The following GPM6B variants were observed in gnomAD, a reference collection of about 807,000 sequenced individuals.
GPM6B encodes the protein neuronal membrane glycoprotein M6-b.
GPM6B carries 4 observed loss-of-function variants against 27.2 expected under a neutral mutation model. The ratio of observed to expected loss-of-function variants is 0.15; its 90% CI spans 0.07 to 0.34. GPM6B has a LOEUF of 0.34. Among genes scored for constraint, GPM6B ranks in the 10% least tolerant of loss-of-function variants. The pLI is 1.00. For missense variants in GPM6B, 183 were observed against 261.9 expected, an observed-to-expected ratio of 0.70 and a Z score of 2.08; for synonymous variants, 124 against 103.1, an observed-to-expected ratio of 1.20 and a Z score of -1.23.
intron 1 of GPM6B, among the ~76,000 whole-genome samples, chrX:13,927,953 C>G (rs989568131): frequency 8.9e-6 from 1 of 111,819 alleles, no homozygotes; most frequent in Admixed American, 9.5e-5. Flanking sequence ...GGGTAGGAAC[C>G]AATGATATGT....
At chrX:13,894,285 T>C (rs1228549760) in intron 1 of GPM6B, among the ~76,000 whole-genome samples, 1 of 111,829 alleles carries the variant, frequency 8.9e-6, no homozygotes, top group African/African-American at 3.3e-5. Flanking sequence ...AGCCACTGTA[T>C]GAATGACACA....
At chrX:13,820,797 G>A (rs1475525971), upstream of GPM6B, among the ~76,000 whole-genome samples, 2 of 111,600 alleles carry the variant, frequency 1.8e-5, no homozygotes, top group Non-Finnish European at 1.9e-5. Context: ...TATTCTAAGA[G>A]CTCTTGGAAC....
In GPM6B at chrX:13,833,550, T is replaced by TAAAAA. The variant is rs755832950; in HGVS notation, c.-197-47747_-197-47743dup. ...GGCAACAGAGCAAGACTCTATCTCT[T>TAAAAA]AAAAAAAAAAAAAAAAAAACTAGAA... On this transcript the variant is annotated intron_variant, in intron 1 of 6. Coordinates refer to the GPM6B transcript ENST00000398361. Among the ~76,000 whole-genome samples, 270 of 71,491 alleles carry TAAAAA rather than the reference T, an allele frequency of 3.8e-3. 4 individuals are homozygous for TAAAAA. The highest frequency in any genetic ancestry group is 0.013 in the South Asian group (14 of 1,041). The allele number at this position is 71,491 out of a possible 115,157, so 62.1% of individuals were successfully genotyped here.
At chrX:13,931,318 C>A (rs1312178113) in intron 1 of GPM6B, among the ~76,000 whole-genome samples, 1 of 109,930 alleles carries the variant, frequency 9.1e-6, no homozygotes, top group Non-Finnish European at 1.9e-5. Flanking sequence ...GAAACCCCAT[C>A]TCTACTAAAA....
At chrX:13,837,710 T>TGGGGGGGGGGGGGGGGGG (rs771546203) in intron 1 of GPM6B, among the ~76,000 whole-genome samples, 1 of 11,382 alleles carries the variant, frequency 8.8e-5, no homozygotes, top group Non-Finnish European at 2.8e-4. Flanking sequence ...AGCAAGTTGG[T>TGGGGGGGGGGGGGGGGGG]GGGGGGGGGG....
At chrX:13,914,653 G>A (rs1296506189) in intron 1 of GPM6B, among the ~76,000 whole-genome samples, 1 of 112,500 alleles carries the variant, frequency 8.9e-6, no homozygotes, top group African/African-American at 3.2e-5. Flanking sequence ...GGAAACTTCT[G>A]GCATGCTGAA....
Position 13,885,640 on chromosome X carries a change from C to T in GPM6B, c.-198+52687G>A, listed in dbSNP as rs780294603. The stretch of plus-strand genomic sequence containing the variant: ...CAAGTGATGGCAGGGAGGTGCCACC[C>T]GCTTCGGAAGGATGCAAAGGTCTTT... On this transcript the variant is annotated intron_variant, in intron 1 of 6. Coordinates refer to the GPM6B transcript ENST00000398361. Among the ~76,000 whole-genome samples, 8 of 111,496 alleles carry T rather than the reference C, an allele frequency of 7.2e-5. No individual in the cohort carries two copies. The East Asian group carries it at 2.0e-3, about 28-fold the overall frequency.
chrX:13,840,058 T>A (rs891319068), intron 1 of GPM6B, among the ~76,000 whole-genome samples: 16 of 112,047 alleles, frequency 1.4e-4, no homozygotes, highest in Admixed American at 1.3e-3. Flanking sequence ...GACAAAGGTG[T>A]TTAGATACAA....
At chrX:13,865,041 T>C (rs1212585312) in intron 1 of GPM6B, among the ~76,000 whole-genome samples, 1 of 112,149 alleles carries the variant, frequency 8.9e-6, no homozygotes, top group African/African-American at 3.2e-5. Context: ...TCTTATCTTA[T>C]TGTTCTGTAC....
chrX:13,859,468 T>A (rs973341026), intron 1 of GPM6B, among the ~76,000 whole-genome samples: 2 of 111,856 alleles, frequency 1.8e-5, no homozygotes, highest in African/African-American at 6.5e-5. Flanking sequence ...TTAAATCTAT[T>A]TACCAGTTGA....
At chrX:13,914,775 C>T (rs780862985) in intron 1 of GPM6B, among the ~76,000 whole-genome samples, 1 of 111,844 alleles carries the variant, frequency 8.9e-6, no homozygotes, top group African/African-American at 3.3e-5. Context: ...AGCATCCATA[C>T]AGCAAACTGT....
At chrX:13,914,192 T>C (rs188409670) in intron 1 of GPM6B, among the ~76,000 whole-genome samples, 169 of 112,579 alleles carry the variant, frequency 1.5e-3, no homozygotes, top group African/African-American at 5.2e-3. Context: ...CATCTGAGAT[T>C]TTTAAAAAAT....
intron 2 of GPM6B, among the ~76,000 whole-genome samples, chrX:13,798,501 T>C (rs2048857486): frequency 8.9e-6 from 1 of 112,426 alleles, no homozygotes; most frequent in Admixed American, 9.4e-5. Flanking sequence ...TAGCACGTGC[T>C]ATATGCAAAC....
intron 1 of GPM6B, among the ~76,000 whole-genome samples, chrX:13,899,409 A>C (rs1378695091): frequency 6.1e-5 from 2 of 32,690 alleles, no homozygotes; most frequent in Non-Finnish European, 9.0e-5. Flanking sequence ...CTGTCTCAAA[A>C]AAAAAAAAAA....
Position 13,892,821 on chromosome X carries a change from G to A in GPM6B, c.-198+45506C>T, listed in dbSNP as rs1010386390. ...TGTAATCTCAGCACTTTGGGAGGCC[G>A]AGGCAGGAGTACTGAGGTCAGGAAT... On this transcript the variant is annotated intron_variant, in intron 1 of 6. Transcript: ENST00000398361. Among the ~76,000 whole-genome samples the A allele has an allele frequency of 4.5e-5, 5 of 111,951 alleles. No individual in the cohort carries two copies. The South Asian group carries it at 1.1e-3, about 25-fold the overall frequency.
intron 1 of GPM6B, among the ~76,000 whole-genome samples, chrX:13,864,473 G>C (rs1301756762): frequency 8.9e-6 from 1 of 112,839 alleles, no homozygotes; most frequent in Admixed American, 9.3e-5. Flanking sequence ...CGAGGGGCTG[G>C]TGCCCAGGCA....
Position 13,807,655 on chromosome X carries a change from C to A in GPM6B, c.176G>T (p.Ser59Ile). The A allele has an allele frequency of 8.4e-7, 1 of 1,185,516 alleles. No individual in the cohort carries two copies. Among genetic ancestry groups the A allele is most frequent in the Non-Finnish European group, 1.1e-6 (1 of 878,725 alleles). Residue 59 changes from serine (S) to isoleucine (I), a missense_variant, in exon 2 of 8, where the codon AGT (serine) becomes ATT (isoleucine). Ser to Ile is a moderately radical substitution (Grantham distance 142, BLOSUM62 -2). Transcript: ENST00000316715. ...TLGDRASPLS[S>I]PGCFECCIKC... ...CACCCCAAGGCTGTATTTACCTGGA[C>A]TGCTCAAGGGGCTAGCCCTGTCCCC...
chrX:13,824,893 G>A (rs1175063159), intron 1 of GPM6B, among the ~76,000 whole-genome samples: 3 of 112,102 alleles, frequency 2.7e-5, no homozygotes, highest in Non-Finnish European at 5.6e-5. Flanking sequence ...AAGTCAAGGT[G>A]TGGGCGGGGC....
chrX:13,805,365 G>C (rs995190525), intron 2 of GPM6B, among the ~76,000 whole-genome samples: 16 of 111,341 alleles, frequency 1.4e-4, no homozygotes, highest in African/African-American at 5.2e-4. Flanking sequence ...CTCTTCCTTG[G>C]TGCCAAAATC....
Sources: gnomAD v4.1 joint callset for allele counts (sites outside exome capture counted in the v4.1 genomes callset) on GRCh38, gnomAD v4.1.1 for gene constraint, MANE v1.5 for transcripts, NCBI Gene and HGNC (gene_info 2026-07-23, HGNC 2026-07-21) for gene names.